Variants in ABI3BP observed in about 807,000 individuals in gnomAD.
ABI3BP encodes the protein target of Nesh-SH3.
ABI3BP carries 216 observed loss-of-function variants against 268.6 expected under a neutral mutation model. The observed-to-expected ratio is 0.80, with a 90% CI of 0.72 to 0.90. The LOEUF is 0.90. ABI3BP is among the 40% of genes least tolerant of loss of function. The pLI is 0.00. For missense variants in ABI3BP, 2,090 were observed against 2,182.4 expected (o/e 0.96, Z 0.84); for synonymous variants, 730 against 730.0 (o/e 1.00, Z 0.00).
At chr3:100,979,185 G>A (rs2087893050) in intron 1 of ABI3BP, among the ~76,000 whole-genome samples, 1 of 152,192 alleles carries the variant, frequency 6.6e-6, no homozygotes, top group African/African-American at 2.4e-5. Flanking sequence ...ACTGCGCTCA[G>A]TGATTCTTTG....
rs60261694 is a variant in ABI3BP, at chr3:100,841,194, C to CTTTTTTT, written c.1766-343_1766-337dup. On this transcript the variant is annotated intron_variant, in intron 21 of 67. Transcript: ENST00000471714. Reference sequence around the variant, plus strand: ...AATTGGCTAAGATGGCATTAGAACACTTTTTTTTTTTTTTTTTTTTTTTTT... The same window carrying CTTTTTTT: ...AATTGGCTAAGATGGCATTAGAACACTTTTTTTTTTTTTTTTTTTTTTTTTTTTTTTT... 6.6e-3 allele frequency among the ~76,000 whole-genome samples: 260 copies of CTTTTTTT among 39,620 alleles called. 30 individuals carry two copies. Among genetic ancestry groups the CTTTTTTT allele is most frequent in the African/African-American group, 0.011 (105 of 9,276 alleles). 26.0% of individuals were successfully genotyped at this position (39,620 alleles called of 152,430 possible).
rs1580052990 is a variant in ABI3BP, at chr3:100,841,982, A to T, written c.1765+16T>A. ...AAAGATACTTTGTTTTCACTCATTA[A>T]AAAAAGCTTTATTACCTATTGTTGA... is the stretch of plus-strand genomic sequence containing the variant. On this transcript the variant is annotated intron_variant, in intron 21 of 67. Transcript: ENST00000471714. The T allele has an allele frequency of 6.6e-7, 1 of 1,525,808 alleles. No homozygotes were observed. Among genetic ancestry groups the T allele is most frequent in the African/African-American group, 1.4e-5 (1 of 72,822 alleles). 94.5% of individuals were successfully genotyped at this position (1,525,808 alleles called of 1,614,324 possible).
intron 3 of ABI3BP, among the ~76,000 whole-genome samples, chr3:100,899,192 T>G (rs2049026040): frequency 6.6e-6 from 1 of 152,220 alleles, no homozygotes; most frequent in African/African-American, 2.4e-5. Flanking sequence ...TAGTTTTATT[T>G]TCTTGTGGGT....
At chr3:100,874,769 T>C (rs1253721208) in intron 9 of ABI3BP, 72 bp downstream of exon 9, 4 of 922,958 alleles carry the variant, frequency 4.3e-6, no homozygotes, top group Admixed American at 5.4e-5. Context: ...GCAAGATTCT[T>C]TGGATTTCCT....
In ABI3BP at chr3:100,898,726, T is replaced by G. The variant is rs72928367; in HGVS notation, c.461+36A>C. ...GATACTTACATATTCTTCTAAAGCA[T>G]GTACAGATGCTATTAAAAGCAAATG... On this transcript the variant is annotated intron_variant, in intron 4 of 67. Coordinates refer to ENST00000471714, the MANE Select transcript of ABI3BP (RefSeq NM_001375547.2). 1.5e-3 allele frequency: 2,359 copies of G among 1,596,636 alleles called. 26 individuals are homozygous for G. In the African/African-American group the frequency reaches 0.027, roughly 19 times the overall value.
chr3:100,904,560 G>A (rs2713789), intron 2 of ABI3BP, among the ~76,000 whole-genome samples: 127,052 of 152,140 alleles, frequency 0.84, 53,289 homozygotes, highest in East Asian at 1. Context: ...TCAATAAAAG[G>A]GTAAGGAGGG....
intron 13 of ABI3BP, 40 bp from the exon 14 acceptor site, chr3:100,862,425 T>C (rs2099008401): frequency 6.9e-7 from 1 of 1,455,938 alleles, no homozygotes; most frequent in Non-Finnish European, 9.3e-7. Flanking sequence ...AGATTTTTTT[T>C]TTTTTTAACA....
rs1188173808 is a variant in ABI3BP, at chr3:100,864,014, G to A, written c.1126C>T (p.Leu376=). 2.0e-6 allele frequency: 3 copies of A among 1,533,884 alleles called. No individual in the cohort carries two copies. The highest frequency in any genetic ancestry group is 2.6e-6 in the Non-Finnish European group (3 of 1,144,758). The part of the protein sequence containing the change: ...TILIPQFELP[L]STLAPKSLPE... ...TATTATTTTTTACCTAGAGTGCTCA[G>A]TGGCAATTCAAACTGAGGTATTAGA... Residue 376 remains leucine, a synonymous_variant, in exon 12 of 68, where the codon CTG becomes TTG. Transcript: ENST00000471714.
At chr3:100,850,157 A>G in intron 16 of ABI3BP, 38 bp from the exon 17 acceptor site, 4 of 1,559,050 alleles carry the variant, frequency 2.6e-6, no homozygotes, top group Non-Finnish European at 3.5e-6. Flanking sequence ...AAATAATCCC[A>G]GTTAAAATGA....
intron 49 of ABI3BP, among the ~76,000 whole-genome samples, chr3:100,808,935 C>T (rs973882767): frequency 1.3e-5 from 2 of 152,040 alleles, no homozygotes; most frequent in East Asian, 3.9e-4. Flanking sequence ...TTTGGTTGAA[C>T]TAAAACGTGT....
rs556282391 is a variant in ABI3BP at position 100,834,429 on chromosome 3, C to A, written c.2281+255G>T. On this transcript the variant is annotated intron_variant, in intron 29 of 67. Coordinates refer to ENST00000471714, the MANE Select transcript of ABI3BP (RefSeq NM_001375547.2). Reference sequence around the variant, plus strand: ...CCTAATCAGGTCAGTTTTTGCTGAGCTGAGGAATCAAAGAGAAAAATGTAA... The same window carrying A: ...CCTAATCAGGTCAGTTTTTGCTGAGATGAGGAATCAAAGAGAAAAATGTAA... Among the ~76,000 whole-genome samples the A allele has an allele frequency of 4.3e-4, 65 of 152,160 alleles. 1 individual carries two copies. The South Asian group carries it at 8.9e-3, about 21-fold the overall frequency.
intron 19 of ABI3BP, 29 bp downstream of exon 19, chr3:100,847,573 C>T: frequency 6.4e-7 from 1 of 1,564,972 alleles, no homozygotes; most frequent in Non-Finnish European, 8.8e-7. Flanking sequence ...AATGAAGCAA[C>T]ACATCTACTA....
intron 30 of ABI3BP, 121 bp downstream of exon 30, chr3:100,833,004 T>A: frequency 1.2e-6 from 1 of 826,692 alleles, no homozygotes; most frequent in Non-Finnish European, 1.8e-6. Context: ...TTTCCATATT[T>A]TGAGATGAAT....
At chr3:100,877,033 A>G (rs2099167941) in intron 6 of ABI3BP, among the ~76,000 whole-genome samples, 1 of 152,108 alleles carries the variant, frequency 6.6e-6, no homozygotes, top group Admixed American at 6.6e-5. Flanking sequence ...ATCTGCCTCT[A>G]CTTTATTGGA....
intron 51 of ABI3BP, among the ~76,000 whole-genome samples, chr3:100,798,879 A>G (rs2097436545): frequency 6.6e-6 from 1 of 152,158 alleles, no homozygotes; most frequent in African/African-American, 2.4e-5. Context: ...CCTTTAATCT[A>G]TACTCTCTAT....
At chr3:100,982,793 G>A (rs2090179667) in intron 1 of ABI3BP, among the ~76,000 whole-genome samples, 1 of 152,134 alleles carries the variant, frequency 6.6e-6, no homozygotes, top group Non-Finnish European at 1.5e-5. Flanking sequence ...TGGAGGGACT[G>A]TCTTCCAGGT....
intron 1 of ABI3BP, among the ~76,000 whole-genome samples, chr3:100,938,784 A>C (rs2067425986): frequency 6.6e-6 from 1 of 152,182 alleles, no homozygotes; most frequent in African/African-American, 2.4e-5. Context: ...AGACGCTTAC[A>C]TGACCTTCCA....
chr3:100,824,684 C>T (rs2098332995), intron 36 of ABI3BP, among the ~76,000 whole-genome samples, 174 bp downstream of exon 36: 1 of 152,324 alleles, frequency 6.6e-6, no homozygotes, highest in Non-Finnish European at 1.5e-5. Context: ...AGTTGGGTCT[C>T]ACCCACACAT....
chr3:100,847,887 G>A (rs928813953), intron 18 of ABI3BP, among the ~76,000 whole-genome samples: 1 of 152,136 alleles, frequency 6.6e-6, no homozygotes, highest in African/African-American at 2.4e-5. Context: ...GCAAAACCCA[G>A]TTGGTCAAGC....
Sources: allele counts gnomAD v4.1 joint callset (sites outside exome capture counted in the v4.1 genomes callset), GRCh38; gene constraint gnomAD v4.1.1; transcripts MANE v1.5; gene names NCBI Gene and HGNC (gene_info 2026-07-23, HGNC 2026-07-21).